Variants in ARB2A observed in about 807,000 individuals in gnomAD.
ARB2A encodes the protein cotranscriptional regulator ARB2A.
At chr5:93,750,683 T>A in the ARB2A span, among the ~76,000 whole-genome samples, 3 of 152,098 alleles carry the variant, frequency 2.0e-5, no homozygotes, top group Non-Finnish European at 4.4e-5. Context: ...CAGGCCCAGC[T>A]AATTTATTTT....
At chr5:94,078,637 T>C in the ARB2A span, among the ~76,000 whole-genome samples, 2 of 152,172 alleles carry the variant, frequency 1.3e-5, no homozygotes, top group African/African-American at 4.8e-5. Context: ...AAATTGCGTT[T>C]GGATCAAAGT....
the ARB2A span, among the ~76,000 whole-genome samples, chr5:94,035,253 A>ACATATACATATG: frequency 4.9e-4 from 74 of 152,092 alleles, no homozygotes; most frequent in African/African-American, 1.7e-3. Flanking sequence ...ATATACATAT[A>ACATATACATATG]CATCACTATA....
chr5:94,087,441 G>C, the ARB2A span, among the ~76,000 whole-genome samples: 1 of 152,038 alleles, frequency 6.6e-6, no homozygotes. Context: ...ATAAAAGTAA[G>C]AAAGTTACAG....
At chr5:93,766,604 G>C in the ARB2A span, among the ~76,000 whole-genome samples, 2 of 152,154 alleles carry the variant, frequency 1.3e-5, no homozygotes, top group Non-Finnish European at 2.9e-5. Flanking sequence ...CTGTAAACTA[G>C]TTTAACCATT....
At chr5:93,866,418 C>T in the ARB2A span, among the ~76,000 whole-genome samples, 1 of 152,096 alleles carries the variant, frequency 6.6e-6, no homozygotes, top group African/African-American at 2.4e-5. Context: ...CCTTTCCCTG[C>T]CTAATAAACA....
chr5:93,864,450 T>A, the ARB2A span, among the ~76,000 whole-genome samples: 1 of 152,162 alleles, frequency 6.6e-6, no homozygotes, highest in Non-Finnish European at 1.5e-5. Context: ...CATTGATAAA[T>A]ACCACCACAT....
chr5:93,676,320 T>C, the ARB2A span, among the ~76,000 whole-genome samples: 1 of 152,204 alleles, frequency 6.6e-6, no homozygotes, highest in African/African-American at 2.4e-5. Flanking sequence ...CATGTATTCA[T>C]AAAATCTTTC....
the ARB2A span, among the ~76,000 whole-genome samples, chr5:93,973,962 C>T: frequency 6.6e-6 from 1 of 152,130 alleles, no homozygotes; most frequent in Non-Finnish European, 1.5e-5. Context: ...AAGCACATAG[C>T]CTACAGACCC....
chr5:93,915,723 T>C, the ARB2A span, among the ~76,000 whole-genome samples: 3 of 151,998 alleles, frequency 2.0e-5, no homozygotes, highest in Non-Finnish European at 4.4e-5. Context: ...TTATTAACTC[T>C]CTACTCCCTC....
At chr5:93,801,878 G>C in the ARB2A span, among the ~76,000 whole-genome samples, 1 of 152,124 alleles carries the variant, frequency 6.6e-6, no homozygotes, top group South Asian at 2.1e-4. Context: ...GGAATGGCCA[G>C]AACGAAGTCT....
At chr5:93,924,245 TGAA>T in the ARB2A span, among the ~76,000 whole-genome samples, 1 of 151,928 alleles carries the variant, frequency 6.6e-6, no homozygotes, top group African/African-American at 2.4e-5. Context: ...CAAAAGGGTG[TGAA>T]GAAGGGAGCA....
the ARB2A span, among the ~76,000 whole-genome samples, chr5:94,103,795 CAAA>C: frequency 6.2e-5 from 7 of 113,336 alleles, no homozygotes; most frequent in African/African-American, 1.9e-4. Context: ...TCAACAGATT[CAAA>C]AAAAAAAAAA....
At chr5:93,798,476 A>C in the ARB2A span, among the ~76,000 whole-genome samples, 1 of 152,112 alleles carries the variant, frequency 6.6e-6, no homozygotes, top group African/African-American at 2.4e-5. Flanking sequence ...AATAGTTATA[A>C]ATACAGGGCA....
the ARB2A span, among the ~76,000 whole-genome samples, chr5:93,665,441 A>C: frequency 2.0e-5 from 3 of 152,204 alleles, no homozygotes; most frequent in Admixed American, 6.5e-5. Context: ...GATAGTACCC[A>C]GGGTTCACAA....
the ARB2A span, among the ~76,000 whole-genome samples, chr5:93,921,378 A>T: frequency 6.6e-6 from 1 of 152,162 alleles, no homozygotes; most frequent in Non-Finnish European, 1.5e-5. Flanking sequence ...AAGGTGAAGG[A>T]TCTAAAGCTG....
chr5:94,009,398 C>A, the ARB2A span, among the ~76,000 whole-genome samples: 1 of 151,884 alleles, frequency 6.6e-6, no homozygotes, highest in Non-Finnish European at 1.5e-5. Flanking sequence ...ACTCAAAGTT[C>A]CCCAGTATAA....
At chr5:94,097,074 C>T in the ARB2A span, among the ~76,000 whole-genome samples, 9 of 152,146 alleles carry the variant, frequency 5.9e-5, no homozygotes, top group African/African-American at 1.7e-4. Context: ...GGTGCGGAAA[C>T]GGCTACAGTG....
the ARB2A span, among the ~76,000 whole-genome samples, chr5:93,838,996 T>C: frequency 1.3e-5 from 2 of 152,192 alleles, no homozygotes; most frequent in African/African-American, 4.8e-5. Flanking sequence ...CAGGGATAGT[T>C]TGACTTCCTC....
chr5:94,050,660 C>A, the ARB2A span: 1 of 1,154,264 alleles, frequency 8.7e-7, no homozygotes, highest in Non-Finnish European at 1.2e-6. Context: ...TAAACTGCTG[C>A]ATCTTCAAAA....
Sources: gnomAD v4.1 joint callset for allele counts (sites outside exome capture counted in the v4.1 genomes callset) on GRCh38, gnomAD v4.1.1 for gene constraint, MANE v1.5 for transcripts, NCBI Gene and HGNC (gene_info 2026-07-23, HGNC 2026-07-21) for gene names.